Variants in CLCN4 observed in about 807,000 individuals in gnomAD.
CLCN4 encodes H(+)/Cl(-) exchange transporter 4.
In CLCN4, 1 loss-of-function variant was observed where a neutral mutation model predicts 41.7. The ratio of observed to expected loss-of-function variants is 0.02; its 90% CI spans 0.01 to 0.11. The LOEUF is 0.11. Among genes scored for constraint, CLCN4 ranks in the 10% least tolerant of loss-of-function variants. The pLI is 1.00. For synonymous variants in CLCN4, 277 were observed against 285.8 expected, an observed-to-expected ratio of 0.97 and a Z score of 0.31; for missense variants, 287 against 661.0, an observed-to-expected ratio of 0.43 and a Z score of 6.20.
chrX:10,181,645 C>T (rs1172844909), intron 2 of CLCN4, among the ~76,000 whole-genome samples: 1 of 111,755 alleles, frequency 8.9e-6, no homozygotes, highest in East Asian at 2.8e-4. Context: ...TCAGCCAAGC[C>T]TTGATTCTAC....
At chrX:10,190,117 A>C (rs1923919888) in intron 4 of CLCN4, among the ~76,000 whole-genome samples, 1 of 111,597 alleles carries the variant, frequency 9.0e-6, no homozygotes, top group African/African-American at 3.3e-5. Flanking sequence ...AGAGGGCGTA[A>C]GTTTCAGTTA....
rs145726958 is a variant in CLCN4, at chrX:10,230,647, C to T, written c.2193-2847C>T. Among the ~76,000 whole-genome samples the T allele has an allele frequency of 8.9e-3, 1,001 of 111,864 alleles. 13 individuals carry two copies. The highest frequency in any genetic ancestry group is 0.03 in the African/African-American group (934 of 30,823). ...TTCCCAGGAGAACTCAGCATCTCAC[C>T]GCAAAGAAGAGTGCTAACATTTGTT... On this transcript the variant is annotated intron_variant, in intron 12 of 12. Coordinates refer to ENST00000380833, the MANE Select transcript of CLCN4 (RefSeq NM_001830.4).
rs144570990 is a variant in CLCN4 at position 10,185,808 on chromosome X, G to C, written c.144+632G>C. On this transcript the variant is annotated intron_variant, in intron 3 of 12. Transcript: ENST00000380833. ...AGGATTCCTGCAGAGGGAGGGATAGGGATGAGTGTGGAAATGGAGGCAGCA... is the reference window on the plus strand; with the variant it reads ...AGGATTCCTGCAGAGGGAGGGATAGCGATGAGTGTGGAAATGGAGGCAGCA... 3.0e-3 allele frequency among the ~76,000 whole-genome samples: 332 copies of C among 111,728 alleles called. 2 individuals are homozygous for C. Among genetic ancestry groups the C allele is most frequent in the African/African-American group, 0.01 (316 of 30,733 alleles).
At position 10,236,401 on chromosome X, in the gene CLCN4, G is replaced by C. The variant is rs1925252863; in HGVS notation, c.*2817G>C. 1 of 111,988 alleles carries C rather than the reference G, an allele frequency of 8.9e-6. No homozygotes were observed. The highest frequency in any genetic ancestry group is 3.7e-4 in the South Asian group (1 of 2,692). The allele number at this position is 111,988 out of a possible 1,213,427, so 9.2% of individuals were successfully genotyped here. ...ACCTCTGATTTATTGTGGGGTTCAG[G>C]CTCTCCTCAATAGAAGGCCAGAGTT... On this transcript the variant is annotated 3_prime_UTR_variant, in exon 13 of 13. Coordinates refer to ENST00000380833, the MANE Select transcript of CLCN4 (RefSeq NM_001830.4).
intron 12 of CLCN4, among the ~76,000 whole-genome samples, chrX:10,228,056 C>A: frequency 9.0e-6 from 1 of 111,040 alleles, no homozygotes; most frequent in East Asian, 2.8e-4. Context: ...TGGGGTCTCC[C>A]AGCACCTCAA....
rs111402017 is a variant in CLCN4 at position 10,237,548 on chromosome X, G to A, written c.*3964G>A. 1 of 109,115 alleles carries A rather than the reference G, an allele frequency of 9.2e-6. No individual in the cohort carries two copies. The highest frequency in any genetic ancestry group is 3.3e-5 in the African/African-American group (1 of 30,144). 9.0% of individuals were successfully genotyped at this position (109,115 alleles called of 1,213,427 possible). On this transcript the variant is annotated 3_prime_UTR_variant, in exon 13 of 13. Coordinates refer to ENST00000380833, the MANE Select transcript of CLCN4 (RefSeq NM_001830.4). ...GGAACGACCACATAGCAACGTGTTG[G>A]TTTTTTTTTATTGTAACACTCTGTG...
chrX:10,163,749 C>T (rs896378512), intron 2 of CLCN4, among the ~76,000 whole-genome samples: 20 of 112,018 alleles, frequency 1.8e-4, no homozygotes, highest in African/African-American at 4.9e-4. Flanking sequence ...TGGGTCTGTG[C>T]GTCTAGGCCA....
intron 2 of CLCN4, among the ~76,000 whole-genome samples, chrX:10,171,024 A>T (rs776557698): frequency 9.0e-6 from 1 of 111,573 alleles, no homozygotes; most frequent in East Asian, 2.8e-4. Flanking sequence ...AGCTGCTGGG[A>T]TTACAGGTGC....
chrX:10,183,733 G>T (rs1923741995), intron 2 of CLCN4, among the ~76,000 whole-genome samples: 1 of 112,192 alleles, frequency 8.9e-6, no homozygotes, highest in African/African-American at 3.2e-5. Context: ...GTTCACTCGC[G>T]ATTGTTTTCC....
At position 10,230,086 on chromosome X, in the gene CLCN4, C is replaced by T. The variant is rs761760414; in HGVS notation, c.2193-3408C>T. 5.4e-5 allele frequency among the ~76,000 whole-genome samples: 6 copies of T among 110,979 alleles called. No individual in the cohort carries two copies. The East Asian group carries it at 1.4e-3, about 26-fold the overall frequency. On this transcript the variant is annotated intron_variant, in intron 12 of 12. Coordinates refer to ENST00000380833, the MANE Select transcript of CLCN4 (RefSeq NM_001830.4). ...AGAAATGTCTATCCAAATATTTTGC[C>T]CGTTTTTTTGATCAGATTATTAGAT...
At chrX:10,224,699 G>A (rs1924947643) in intron 12 of CLCN4, among the ~76,000 whole-genome samples, 1 of 111,682 alleles carries the variant, frequency 9.0e-6, no homozygotes, top group Non-Finnish European at 1.9e-5. Context: ...CATCACCTAG[G>A]TAGGTAGCCC....
chrX:10,233,792 A>C lies in CLCN4; in HGVS notation c.*208A>C, dbSNP rs1048002535. ...CATTTTATAGCTTTAACCCCGTATG[A>C]GTTTCAAGCTGTGTTTCCTAATGAG... On this transcript the variant is annotated 3_prime_UTR_variant, in exon 13 of 13. Coordinates refer to ENST00000380833, the MANE Select transcript of CLCN4 (RefSeq NM_001830.4). 5 of 391,212 alleles carry C rather than the reference A, an allele frequency of 1.3e-5. No homozygotes were observed. In the African/African-American group the frequency reaches 1.3e-4, roughly 10 times the overall value. 32.2% of individuals were successfully genotyped at this position (391,212 alleles called of 1,213,427 possible).
In CLCN4 at chrX:10,212,628, A is replaced by C. The variant is rs757820245; in HGVS notation, c.1551A>C (p.Ala517=). The C allele has an allele frequency of 9.7e-5, 117 of 1,208,165 alleles. No individual in the cohort carries two copies. The highest frequency in any genetic ancestry group is 2.8e-4 in the Admixed American group (13 of 45,716). The change falls in exon 10 of 13, where the codon GCA becomes GCC. Residue 517 remains alanine (A), a synonymous_variant. Coordinates refer to ENST00000380833, the MANE Select transcript of CLCN4 (RefSeq NM_001830.4). ...ACTGTGTCACGCCAGGGCTGTACGC[A>C]ATGGTGGGAGCTGCGGCCTGCCTCG... The part of the protein sequence containing the change: ...GADCVTPGLY[A]MVGAAACLGG...
At chrX:10,189,952 G>A (rs190186842) in intron 4 of CLCN4, among the ~76,000 whole-genome samples, 13 of 111,861 alleles carry the variant, frequency 1.2e-4, no homozygotes, top group African/African-American at 4.2e-4. Context: ...GATATCTGCA[G>A]GACCCTCCCA....
intron 12 of CLCN4, among the ~76,000 whole-genome samples, chrX:10,229,548 C>A (rs985508486): frequency 9.2e-6 from 1 of 108,423 alleles, no homozygotes; most frequent in Admixed American, 9.8e-5. Flanking sequence ...TCCCCCGTCC[C>A]CCCACCCCAC....
intron 11 of CLCN4, among the ~76,000 whole-genome samples, chrX:10,216,016 G>A (rs1924695813): frequency 8.9e-6 from 1 of 111,817 alleles, no homozygotes; most frequent in Admixed American, 9.5e-5. Flanking sequence ...CTGTACTCTG[G>A]TGGAGAAATA....
chrX:10,227,663 T>G, intron 12 of CLCN4, among the ~76,000 whole-genome samples: 1 of 111,929 alleles, frequency 8.9e-6, no homozygotes, highest in Non-Finnish European at 1.9e-5. Flanking sequence ...AGCTGTTACC[T>G]CCTATACCAC....
chrX:10,195,219 T>C (rs1924066057), intron 5 of CLCN4, 121 bp downstream of exon 5: 1 of 688,339 alleles, frequency 1.5e-6, no homozygotes, highest in African/African-American at 2.2e-5. Flanking sequence ...CTGAAGTTCG[T>C]GGCTTAACAC....
intron 6 of CLCN4, among the ~76,000 whole-genome samples, chrX:10,205,660 T>TGTAGTG (rs760886709): frequency 9.7e-6 from 1 of 102,947 alleles, no homozygotes; most frequent in East Asian, 3.1e-4. Context: ...CAGGCTACAG[T>TGTAGTG]GTAGTGGCAC....
Sources: gnomAD v4.1 joint callset for allele counts (sites outside exome capture counted in the v4.1 genomes callset) on GRCh38, gnomAD v4.1.1 for gene constraint, MANE v1.5 for transcripts, NCBI Gene and HGNC (gene_info 2026-07-23, HGNC 2026-07-21) for gene names.